Variants in MAPK1IP1L observed in about 807,000 individuals in gnomAD.
MAPK1IP1L encodes mitogen-activated protein kinase 1 interacting protein 1 like, also known as MAPK-interacting and spindle-stabilizing protein-like.
In MAPK1IP1L, 10 loss-of-function variants were observed where a neutral mutation model predicts 18.1. The ratio of observed to expected loss-of-function variants is 0.55; its 90% CI spans 0.34 to 0.94. MAPK1IP1L has a LOEUF of 0.94. MAPK1IP1L is among the 40% of genes least tolerant of loss of function. The pLI, the probability that MAPK1IP1L is intolerant of heterozygous loss-of-function variation, is 0.02. For missense variants in MAPK1IP1L, 260 were observed against 318.2 expected (o/e 0.82, Z 1.39); for synonymous variants, 115 against 117.3 (o/e 0.98, Z 0.13).
intron 1 of MAPK1IP1L, among the ~76,000 whole-genome samples, chr14:55,059,225 G>GAAAAAAAAAAAAAAAAAAAAAAAAATAT (rs3078612): frequency 1.6e-5 from 1 of 63,280 alleles, no homozygotes; most frequent in Non-Finnish European, 3.1e-5. Flanking sequence ...AGGAAAATCT[G>GAAAAAAAAAAAAAAAAAAAAAAAAATAT]AAAAAAAAAA....
chr14:55,064,203 A>AGGCTGGTCTT (rs1420511582), intron 3 of MAPK1IP1L, among the ~76,000 whole-genome samples: 2 of 151,656 alleles, frequency 1.3e-5, no homozygotes, highest in African/African-American at 2.4e-5. Context: ...CATGTTGGCC[A>AGGCTGGTCTT]GGCTGGTCTT....
At chr14:55,056,162 C>T (rs373176917) in intron 1 of MAPK1IP1L, among the ~76,000 whole-genome samples, 1 of 152,220 alleles carries the variant, frequency 6.6e-6, no homozygotes, top group African/African-American at 2.4e-5. Context: ...TAGCACCTCC[C>T]CTATCTTCCA....
Position 55,063,005 on chromosome 14 carries a change from C to T in MAPK1IP1L, c.406C>T (p.Pro136Ser). ...CAGACCATATGGTGCACCCACAGAT[C>T]CAGCTGCAGCTGGTCCTTTAGGTCC... The part of the protein sequence containing the change: ...LPRPYGAPTD[P>S]AAAGPLGPWG... The change falls in exon 3 of 4, where the codon CCA becomes TCA. Residue 136 changes from proline (P) to serine (S), a missense_variant. Coordinates refer to ENST00000395468, the MANE Select transcript of MAPK1IP1L (RefSeq NM_144578.4). 6.2e-7 allele frequency: 1 copy of T among 1,613,892 alleles called. No homozygotes were observed. Among genetic ancestry groups the T allele is most frequent in the Non-Finnish European group, 8.5e-7 (1 of 1,179,798 alleles).
At chr14:55,055,722 G>A (rs1282836126) in intron 1 of MAPK1IP1L, among the ~76,000 whole-genome samples, 5 of 152,150 alleles carry the variant, frequency 3.3e-5, no homozygotes, top group Non-Finnish European at 7.4e-5. Flanking sequence ...CTTGAGGCCA[G>A]GAGTTTGAGA....
At chr14:55,057,882 C>T (rs2042784125) in intron 1 of MAPK1IP1L, among the ~76,000 whole-genome samples, 1 of 152,102 alleles carries the variant, frequency 6.6e-6, no homozygotes, top group Non-Finnish European at 1.5e-5. Context: ...TTGCAGTGAG[C>T]TGTGATCACA....
rs1043217240 is a variant in MAPK1IP1L, at chr14:55,068,285, A to G, written c.*3658A>G. ...CACCACCACAATGGACTATTGGGAT[A>G]TTTTCTAAAAAACCAATCAATTTGC... On this transcript the variant is annotated 3_prime_UTR_variant, in exon 4 of 4. Coordinates refer to ENST00000395468, the MANE Select transcript of MAPK1IP1L (RefSeq NM_144578.4). The G allele has an allele frequency of 1.0e-4, 16 of 152,636 alleles. No individual in the cohort carries two copies. The highest frequency in any genetic ancestry group is 2.4e-5 in the African/African-American group (1 of 41,446). The allele number at this position is 152,636 out of a possible 1,614,324, so 9.5% of individuals were successfully genotyped here. A position where few individuals can be genotyped will look rare whatever the true frequency, so the allele number is the denominator to read the frequency against.
rs1435629428 is a variant in MAPK1IP1L, at chr14:55,066,288, T to G, written c.*1661T>G. 1.3e-5 allele frequency: 2 copies of G among 152,230 alleles called. No individual in the cohort carries two copies. Among genetic ancestry groups the G allele is most frequent in the African/African-American group, 4.8e-5 (2 of 41,458 alleles). 9.4% of individuals were successfully genotyped at this position (152,230 alleles called of 1,614,324 possible). On this transcript the variant is annotated 3_prime_UTR_variant, in exon 4 of 4. Coordinates refer to ENST00000395468, the MANE Select transcript of MAPK1IP1L (RefSeq NM_144578.4). ...AAATGGTTACCTTTGAGAGGAACAT[T>G]CAGTGTTTAATCATCCCTTATGTTA... is the stretch of plus-strand genomic sequence containing the variant.
intron 2 of MAPK1IP1L, 84 bp downstream of exon 2, chr14:55,061,785 C>T: frequency 1.8e-6 from 2 of 1,113,478 alleles, no homozygotes; most frequent in South Asian, 3.0e-5. Context: ...TAAATCTTTT[C>T]ACTTAAAAGA....
chr14:55,065,493 T>C lies in MAPK1IP1L; in HGVS notation c.*866T>C, dbSNP rs1594628003. ...GAATTGCTTAACTGCAACAAGTAAT[T>C]TTCATTCCCACAAAAACCTGAGGCA... On this transcript the variant is annotated 3_prime_UTR_variant, in exon 4 of 4. Transcript: ENST00000395468. 1.3e-5 allele frequency: 2 copies of C among 152,094 alleles called. No individual in the cohort carries two copies. The highest frequency in any genetic ancestry group is 1.3e-4 in the Admixed American group (2 of 15,256). 9.4% of individuals were successfully genotyped at this position (152,094 alleles called of 1,614,324 possible). A position where few individuals can be genotyped will look rare whatever the true frequency, so the allele number is the denominator to read the frequency against.
At chr14:55,052,402 T>C (rs1183895849) in intron 1 of MAPK1IP1L, among the ~76,000 whole-genome samples, 1 of 152,220 alleles carries the variant, frequency 6.6e-6, no homozygotes, top group Non-Finnish European at 1.5e-5. Context: ...ATACATTAGA[T>C]GAATACCCAG....
intron 1 of MAPK1IP1L, among the ~76,000 whole-genome samples, chr14:55,052,466 G>A (rs1260298804): frequency 3.3e-5 from 5 of 152,168 alleles, no homozygotes; most frequent in African/African-American, 1.2e-4. Context: ...GGACTGAGGA[G>A]CACATACCTG....
rs949322703 is a variant in MAPK1IP1L at position 55,067,737 on chromosome 14, C to T, written c.*3110C>T. 2.0e-5 allele frequency: 3 copies of T among 152,068 alleles called. No individual in the cohort carries two copies. The highest frequency in any genetic ancestry group is 7.2e-5 in the African/African-American group (3 of 41,394). The allele number at this position is 152,068 out of a possible 1,614,324, so 9.4% of individuals were successfully genotyped here. On this transcript the variant is annotated 3_prime_UTR_variant, in exon 4 of 4. Coordinates refer to ENST00000395468, the MANE Select transcript of MAPK1IP1L (RefSeq NM_144578.4). Reference sequence around the variant, plus strand: ...TTTTAAAAGGGAACAATGTTGCTTTCAAAACAAGACATGCTAGGCTGAAAC... The same window carrying T: ...TTTTAAAAGGGAACAATGTTGCTTTTAAAACAAGACATGCTAGGCTGAAAC...
rs2042884827 is a variant in MAPK1IP1L at position 55,068,822 on chromosome 14, C to T, written c.*4195C>T. Reference sequence around the variant, plus strand: ...GTCATTTATTCAGTAGACAATATGTCCTTGATCCAGGTTCTTTGCCAGCTA... The same window carrying T: ...GTCATTTATTCAGTAGACAATATGTTCTTGATCCAGGTTCTTTGCCAGCTA... On this transcript the variant is annotated 3_prime_UTR_variant, in exon 4 of 4. Transcript: ENST00000395468. 2 of 152,132 alleles carry T rather than the reference C, an allele frequency of 1.3e-5. No individual in the cohort carries two copies. The highest frequency in any genetic ancestry group is 4.8e-5 in the African/African-American group (2 of 41,418). 9.4% of individuals were successfully genotyped at this position (152,132 alleles called of 1,614,324 possible). A position where few individuals can be genotyped will look rare whatever the true frequency, so the allele number is the denominator to read the frequency against.
In MAPK1IP1L at chr14:55,068,601, C is replaced by T. The variant is rs930883305; in HGVS notation, c.*3974C>T. On this transcript the variant is annotated 3_prime_UTR_variant, in exon 4 of 4. Transcript: ENST00000395468. ...CATAAGCCTAAATTCAGATAAATCA[C>T]ACTGATATATTGTACTATGCATAGA... The T allele has an allele frequency of 6.6e-6, 1 of 152,212 alleles. No homozygotes were observed. The highest frequency in any genetic ancestry group is 1.5e-5 in the Non-Finnish European group (1 of 68,036). 9.4% of individuals were successfully genotyped at this position (152,212 alleles called of 1,614,324 possible).
In MAPK1IP1L at chr14:55,065,250, C is replaced by T. The variant is rs1310652049; in HGVS notation, c.*623C>T. The T allele has an allele frequency of 6.6e-6, 1 of 152,104 alleles. No homozygotes were observed. The highest frequency in any genetic ancestry group is 1.5e-5 in the Non-Finnish European group (1 of 68,022). 9.4% of individuals were successfully genotyped at this position (152,104 alleles called of 1,614,324 possible). ...AAAACTTCCTGGTTTTATTTTTAGT[C>T]ATTGGGTCATACAGCACTAAAGTCT... On this transcript the variant is annotated 3_prime_UTR_variant, in exon 4 of 4. Transcript: ENST00000395468.
In MAPK1IP1L at chr14:55,062,610, T is replaced by A. The variant is rs1414198325; in HGVS notation, c.19-8T>A. ...AGATAGGAAAGACGTATCTGTTTTG[T>A]GTTCCAGTTGGCAGATGCACTACCT... On this transcript the variant is annotated splice_polypyrimidine_tract_variant and splice_region_variant and intron_variant, in intron 2 of 3. Coordinates refer to ENST00000395468, the MANE Select transcript of MAPK1IP1L (RefSeq NM_144578.4). 15 of 1,601,932 alleles carry A rather than the reference T, an allele frequency of 9.4e-6. No homozygotes were observed. Among genetic ancestry groups the A allele is most frequent in the Non-Finnish European group, 8.5e-7 (1 of 1,172,852 alleles).
chr14:55,055,641 C>T (rs1471086952), intron 1 of MAPK1IP1L, among the ~76,000 whole-genome samples: 1 of 152,154 alleles, frequency 6.6e-6, no homozygotes, highest in African/African-American at 2.4e-5. Flanking sequence ...CCATTTAAAA[C>T]TTAGGAATTG....
At position 55,067,225 on chromosome 14, in the gene MAPK1IP1L, T is replaced by G. The variant is rs1182736585; in HGVS notation, c.*2598T>G. On this transcript the variant is annotated 3_prime_UTR_variant, in exon 4 of 4. Coordinates refer to ENST00000395468, the MANE Select transcript of MAPK1IP1L (RefSeq NM_144578.4). ...GGCCGATTTTTTTTTTTTTTTTTAA[T>G]GTAAGAATGGAGATAAAAGGGATAA... 1.4e-5 allele frequency: 2 copies of G among 148,070 alleles called. No individual in the cohort carries two copies. The highest frequency in any genetic ancestry group is 5.0e-5 in the African/African-American group (2 of 40,250). The allele number at this position is 148,070 out of a possible 1,614,324, so 9.2% of individuals were successfully genotyped here.
rs1390447595 is a variant in MAPK1IP1L at position 55,068,424 on chromosome 14, G to C, written c.*3797G>C. The stretch of plus-strand genomic sequence containing the variant: ...GAGTTTTTGTCAAGACTGTGCCTGG[G>C]TTGAATATCAGTCAATTGCCTACAC... On this transcript the variant is annotated 3_prime_UTR_variant, in exon 4 of 4. Coordinates refer to ENST00000395468, the MANE Select transcript of MAPK1IP1L (RefSeq NM_144578.4). The C allele has an allele frequency of 1.3e-5, 2 of 152,570 alleles. No homozygotes were observed. Among genetic ancestry groups the C allele is most frequent in the Non-Finnish European group, 2.9e-5 (2 of 68,030 alleles). 9.5% of individuals were successfully genotyped at this position (152,570 alleles called of 1,614,324 possible).
Sources: gnomAD v4.1 joint callset for allele counts (sites outside exome capture counted in the v4.1 genomes callset) on GRCh38, gnomAD v4.1.1 for gene constraint, MANE v1.5 for transcripts, NCBI Gene and HGNC (gene_info 2026-07-23, HGNC 2026-07-21) for gene names.